Variants in NT5DC1 observed in about 807,000 individuals in gnomAD.
NT5DC1 encodes the protein 5'-nucleotidase domain containing 1.
A neutral mutation model predicts 59.4 loss-of-function variants in NT5DC1; 42 were observed. That is an observed-to-expected ratio of 0.71 (90% confidence interval 0.55 to 0.92). NT5DC1 has a LOEUF of 0.92. Ranked by LOEUF, NT5DC1 falls within the 40% of genes least tolerant of loss-of-function variation. The pLI, the probability that NT5DC1 is intolerant of heterozygous loss-of-function variation, is 0.00. For missense variants in NT5DC1, 501 were observed against 537.1 expected, an observed-to-expected ratio of 0.93 and a Z score of 0.66; for synonymous variants, 172 against 188.1, an observed-to-expected ratio of 0.91 and a Z score of 0.70.
chr6:116,107,933 G>A (rs1778798507), intron 2 of NT5DC1, among the ~76,000 whole-genome samples: 1 of 152,104 alleles, frequency 6.6e-6, no homozygotes, highest in Non-Finnish European at 1.5e-5. Context: ...GACCTAAATT[G>A]AGACGAATTC....
intron 6 of NT5DC1, among the ~76,000 whole-genome samples, chr6:116,131,710 A>C (rs1779470337): frequency 6.6e-6 from 1 of 152,176 alleles, no homozygotes. Context: ...GTACAAGTGC[A>C]GGTGTGTTAC....
At chr6:116,143,554 C>A (rs960792546) in intron 6 of NT5DC1, among the ~76,000 whole-genome samples, 19 of 152,112 alleles carry the variant, frequency 1.2e-4, no homozygotes, top group Admixed American at 1.2e-3. Context: ...TGAATTTGTT[C>A]TACTACTTAA....
intron 6 of NT5DC1, among the ~76,000 whole-genome samples, chr6:116,142,782 T>A (rs1779799392): frequency 6.6e-6 from 1 of 152,256 alleles, no homozygotes; most frequent in Non-Finnish European, 1.5e-5. Flanking sequence ...GTGAACTGTC[T>A]GGCTCAGACT....
intron 1 of NT5DC1, among the ~76,000 whole-genome samples, chr6:116,105,557 A>T (rs1291645808): frequency 1.3e-5 from 2 of 152,148 alleles, no homozygotes; most frequent in Non-Finnish European, 2.9e-5. Flanking sequence ...TTTGTTTGGT[A>T]TGTACAGTTC....
intron 6 of NT5DC1, chr6:116,120,703 A>G: frequency 6.4e-7 from 1 of 1,556,982 alleles, no homozygotes. Flanking sequence ...GAGGACCGGG[A>G]CTTCCTGGAT....
At chr6:116,184,181 G>A (rs1780943388) in intron 6 of NT5DC1, among the ~76,000 whole-genome samples, 3 of 151,768 alleles carry the variant, frequency 2.0e-5, no homozygotes, top group Admixed American at 1.3e-4. Context: ...TTTCTAATTC[G>A]GTTTATGTGG....
chr6:116,125,059 T>A (rs184767460), intron 6 of NT5DC1, among the ~76,000 whole-genome samples: 1 of 152,364 alleles, frequency 6.6e-6, no homozygotes, highest in East Asian at 1.9e-4. Context: ...TGCAGTTATT[T>A]GTGCAAAAGC....
chr6:116,221,593 G>A (rs1256988157), intron 7 of NT5DC1, among the ~76,000 whole-genome samples: 1 of 152,180 alleles, frequency 6.6e-6, no homozygotes, highest in Non-Finnish European at 1.5e-5. Flanking sequence ...GATACCTGGA[G>A]TACAGCCACT....
In NT5DC1 at chr6:116,245,289, C is replaced by T. The variant is rs1198691221; in HGVS notation, c.*1265C>T. The T allele has an allele frequency of 2.0e-5, 3 of 152,414 alleles. No homozygotes were observed. The highest frequency in any genetic ancestry group is 4.4e-5 in the Non-Finnish European group (3 of 68,008). 9.4% of individuals were successfully genotyped at this position (152,414 alleles called of 1,614,324 possible). A position where few individuals can be genotyped will look rare whatever the true frequency, so the allele number is the denominator to read the frequency against. On this transcript the variant is annotated 3_prime_UTR_variant, in exon 12 of 12. Transcript: ENST00000319550. ...GTCTATCATGGGCAGTATTAGAAAACACACTGGTTTTCACTATCTGGTTTA... is the reference window on the plus strand; with the variant it reads ...GTCTATCATGGGCAGTATTAGAAAATACACTGGTTTTCACTATCTGGTTTA...
At chr6:116,104,747 A>G (rs1286281662) in intron 1 of NT5DC1, among the ~76,000 whole-genome samples, 2 of 152,212 alleles carry the variant, frequency 1.3e-5, no homozygotes, top group Admixed American at 6.5e-5. Context: ...TTAGCCCTGC[A>G]GCACTGGTTT....
At chr6:116,142,286 T>C (rs1300927314) in intron 6 of NT5DC1, among the ~76,000 whole-genome samples, 1 of 151,672 alleles carries the variant, frequency 6.6e-6, no homozygotes, top group Non-Finnish European at 1.5e-5. Context: ...TATTTTTGCT[T>C]TTTTTTTCAA....
chr6:116,187,221 A>C (rs1781019698), intron 6 of NT5DC1, among the ~76,000 whole-genome samples: 1 of 152,070 alleles, frequency 6.6e-6, no homozygotes, highest in African/African-American at 2.4e-5. Context: ...ATCTGTATTC[A>C]GGTCTCTTAG....
At chr6:116,123,138 G>A (rs1779186526) in intron 6 of NT5DC1, among the ~76,000 whole-genome samples, 1 of 152,076 alleles carries the variant, frequency 6.6e-6, no homozygotes, top group Admixed American at 6.6e-5. Flanking sequence ...CTGATTATAA[G>A]GGTCATGTTC....
At chr6:116,105,975 C>T (rs990362213) in intron 1 of NT5DC1, among the ~76,000 whole-genome samples, 1 of 152,160 alleles carries the variant, frequency 6.6e-6, no homozygotes, top group African/African-American at 2.4e-5. Context: ...ATCTCCAACC[C>T]ATTAGAATTC....
At chr6:116,121,055 C>A in intron 6 of NT5DC1, 1 of 1,614,080 alleles carries the variant, frequency 6.2e-7, no homozygotes, top group Non-Finnish European at 8.5e-7. Flanking sequence ...GAGACCATGG[C>A]TACCCGGGAT....
chr6:116,184,757 T>G (rs900696842), intron 6 of NT5DC1, among the ~76,000 whole-genome samples: 12 of 152,218 alleles, frequency 7.9e-5, no homozygotes, highest in African/African-American at 2.9e-4. Flanking sequence ...CTAATTGAGC[T>G]TATTTGGTTC....
At chr6:116,238,407 G>C in intron 10 of NT5DC1, 59 bp downstream of exon 10, 1 of 1,134,964 alleles carries the variant, frequency 8.8e-7, no homozygotes, top group East Asian at 3.8e-5. Flanking sequence ...GAAAGCTAAA[G>C]TATCTTTATA....
In NT5DC1 at chr6:116,246,032, G is replaced by T. The variant is rs1374692328; in HGVS notation, c.*2008G>T. The T allele has an allele frequency of 6.6e-6, 1 of 151,908 alleles. No individual in the cohort carries two copies. The highest frequency in any genetic ancestry group is 6.6e-5 in the Admixed American group (1 of 15,240). 9.4% of individuals were successfully genotyped at this position (151,908 alleles called of 1,614,324 possible). ...CTGTAATTAGAAAGACTATAATTAG[G>T]CTTTTTAAATTTGTATTTTCATTCT... On this transcript the variant is annotated 3_prime_UTR_variant, in exon 12 of 12. Transcript: ENST00000319550.
chr6:116,186,168 A>T (rs1321681517), intron 6 of NT5DC1, among the ~76,000 whole-genome samples: 1 of 152,048 alleles, frequency 6.6e-6, no homozygotes, highest in East Asian at 1.9e-4. Context: ...TATGATAATT[A>T]TTTTGTTTAA....
Sources: gnomAD v4.1 joint callset for allele counts (sites outside exome capture counted in the v4.1 genomes callset) on GRCh38, gnomAD v4.1.1 for gene constraint, MANE v1.5 for transcripts, NCBI Gene and HGNC (gene_info 2026-07-23, HGNC 2026-07-21) for gene names.